MED12L: variants seen among roughly 807,000 people sequenced by gnomAD.
MED12L encodes the protein mediator complex subunit 12L, also known as mediator of RNA polymerase II transcription subunit 12-like protein.
Under a neutral mutation model 281.3 loss-of-function variants are expected in MED12L, and 60 were observed. The observed-to-expected ratio is 0.21, with a 90% CI of 0.17 to 0.26. The LOEUF (loss-of-function observed/expected upper bound fraction) is 0.26. MED12L is among the 10% of genes least tolerant of loss of function. MED12L has a pLI of 1.00. For missense variants in MED12L, 2,146 were observed against 2,680.9 expected (o/e 0.80, Z 4.41); for synonymous variants, 974 against 987.2 (o/e 0.99, Z 0.25).
At chr3:151,156,576 C>T (rs765538246) in intron 6 of MED12L, among the ~76,000 whole-genome samples, 39 of 152,256 alleles carry the variant, frequency 2.6e-4, no homozygotes, top group South Asian at 8.3e-4. Context: ...TTAATTAGTT[C>T]GTAATTGCAC....
At chr3:151,316,518 A>G (rs967099975) in intron 16 of MED12L, 2 of 152,348 alleles carry the variant, frequency 1.3e-5, no homozygotes, top group Admixed American at 6.5e-5. Flanking sequence ...AAGTATAATT[A>G]CAGTTTTTAA....
chr3:151,357,201 C>G lies in MED12L; in HGVS notation c.2662-12C>G. ...CACCTACATGTTTATTCAGTCTTTT[C>G]TCCTGTTACAGTTACTAAATGAACT... On this transcript the variant is annotated splice_polypyrimidine_tract_variant and intron_variant, in intron 19 of 44. Coordinates refer to ENST00000687756, the MANE Select transcript of MED12L (RefSeq NM_001393769.1). 1 of 1,576,708 alleles carries G rather than the reference C, an allele frequency of 6.3e-7. No individual in the cohort carries two copies. Among genetic ancestry groups the G allele is most frequent in the Non-Finnish European group, 8.6e-7 (1 of 1,162,224 alleles).
At chr3:151,285,494 A>G (rs1005406517) in intron 16 of MED12L, among the ~76,000 whole-genome samples, 1 of 151,850 alleles carries the variant, frequency 6.6e-6, no homozygotes, top group African/African-American at 2.4e-5. Context: ...TCTCAAAGAA[A>G]AAAAAAAAGA....
chr3:151,277,206 CTTG>C lies in MED12L; in HGVS notation c.2251-72850_2251-72848del, dbSNP rs143197072. ...GGTGTGAGCCACCATGCCTGGCCTC[CTTG>C]TTTTTTTTTTTTCCAGACATGACAA... On this transcript the variant is annotated intron_variant, in intron 16 of 44. Coordinates refer to ENST00000687756, the MANE Select transcript of MED12L (RefSeq NM_001393769.1). 1.1e-4 allele frequency among the ~76,000 whole-genome samples: 16 copies of C among 151,018 alleles called. No individual in the cohort carries two copies. The South Asian group carries it at 1.5e-3, about 14-fold the overall frequency.
intron 38 of MED12L, among the ~76,000 whole-genome samples, chr3:151,391,437 C>T (rs1347413140): frequency 6.6e-6 from 1 of 152,140 alleles, no homozygotes; most frequent in Non-Finnish European, 1.5e-5. Context: ...ATTGTAGACC[C>T]ATACCCCTTC....
chr3:151,275,288 C>T (rs1741658439), intron 16 of MED12L, among the ~76,000 whole-genome samples: 1 of 152,060 alleles, frequency 6.6e-6, no homozygotes, highest in East Asian at 1.9e-4. Flanking sequence ...TGATCTTTTC[C>T]TCTTTTCTTT....
At chr3:151,361,226 T>G (rs191156756) in intron 21 of MED12L, among the ~76,000 whole-genome samples, 55 of 152,268 alleles carry the variant, frequency 3.6e-4, no homozygotes, top group Non-Finnish European at 7.4e-5. Flanking sequence ...AGACTGTGTT[T>G]ACTTTTCCTC....
chr3:151,192,459 T>C, intron 14 of MED12L, 91 bp from the exon 15 acceptor site: 1 of 906,326 alleles, frequency 1.1e-6, no homozygotes, highest in Non-Finnish European at 1.7e-6. Context: ...AAGACAGAGA[T>C]GGTTAAAAAT....
chr3:151,338,913 T>G lies in MED12L; in HGVS notation c.2251-11146T>G, dbSNP rs138811723. 145 of 1,513,408 alleles carry G rather than the reference T, an allele frequency of 9.6e-5. No homozygotes were observed. The African/African-American group carries it at 1.8e-3, about 19-fold the overall frequency. 93.7% of individuals were successfully genotyped at this position (1,513,408 alleles called of 1,614,324 possible). Reference sequence around the variant, plus strand: ...TTCAGCCTAAGGTAGTTATTATTGCTGTTATCTCTGTGTGTAACTTTTTTG... The same window carrying G: ...TTCAGCCTAAGGTAGTTATTATTGCGGTTATCTCTGTGTGTAACTTTTTTG... On this transcript the variant is annotated intron_variant, in intron 16 of 44. Coordinates refer to ENST00000687756, the MANE Select transcript of MED12L (RefSeq NM_001393769.1).
chr3:151,376,923 A>G, intron 29 of MED12L, 49 bp downstream of exon 29: 1 of 1,610,550 alleles, frequency 6.2e-7, no homozygotes, highest in Non-Finnish European at 8.5e-7. Context: ...TATAAAAAGC[A>G]AAAACACGTT....
intron 5 of MED12L, among the ~76,000 whole-genome samples, chr3:151,152,321 C>T (rs1343212526): frequency 1.3e-5 from 2 of 151,944 alleles, no homozygotes; most frequent in Non-Finnish European, 2.9e-5. Flanking sequence ...AGGCTGGCCT[C>T]AAACTCCTAG....
chr3:151,276,371 A>G (rs1324003793), intron 16 of MED12L, among the ~76,000 whole-genome samples: 1 of 152,224 alleles, frequency 6.6e-6, no homozygotes, highest in South Asian at 2.1e-4. Flanking sequence ...ATAATTTTCA[A>G]TTAAAGGAAA....
intron 16 of MED12L, among the ~76,000 whole-genome samples, chr3:151,314,686 A>G (rs2149793515): frequency 6.6e-6 from 1 of 152,166 alleles, no homozygotes; most frequent in South Asian, 2.1e-4. Context: ...TTGTGGCTCT[A>G]CCCCATTTCC....
At chr3:151,242,373 T>C (rs1453229901) in intron 16 of MED12L, among the ~76,000 whole-genome samples, 1 of 152,252 alleles carries the variant, frequency 6.6e-6, no homozygotes, top group African/African-American at 2.4e-5. Flanking sequence ...TAAATGTCCC[T>C]GTCTGACAGC....
chr3:151,397,460 C>T (rs1195353666), intron 39 of MED12L, among the ~76,000 whole-genome samples: 1 of 152,152 alleles, frequency 6.6e-6, no homozygotes, highest in East Asian at 1.9e-4. Flanking sequence ...GGTACCTGTA[C>T]TTAGGAGGTT....
chr3:151,411,478 G>C lies in MED12L; in HGVS notation c.6111G>C (p.Pro2037=). ...GCTATGTTCAGCAGCAGGCCTCGCCGTACCTGCAGCCCCTGACTGGCTCTC... is the reference window on the plus strand; with the variant it reads ...GCTATGTTCAGCAGCAGGCCTCGCCCTACCTGCAGCCCCTGACTGGCTCTC... ...PSGYVQQQAS[P]YLQPLTGSQR... is the part of the protein sequence containing the mutation. The change falls in exon 41 of 45, where the codon CCG becomes CCC. Residue 2037 remains proline, a synonymous_variant. Transcript: ENST00000687756. 1 of 1,614,194 alleles carries C rather than the reference G, an allele frequency of 6.2e-7. No individual in the cohort carries two copies. The highest frequency in any genetic ancestry group is 8.5e-7 in the Non-Finnish European group (1 of 1,180,024).
chr3:151,222,968 A>G (rs1336636470), intron 16 of MED12L, among the ~76,000 whole-genome samples: 1 of 152,128 alleles, frequency 6.6e-6, no homozygotes, highest in African/African-American at 2.4e-5. Flanking sequence ...GTAAATTGGT[A>G]TTTTATACCT....
intron 33 of MED12L, among the ~76,000 whole-genome samples, chr3:151,383,124 A>G (rs1577515743): frequency 6.6e-6 from 1 of 152,250 alleles, no homozygotes; most frequent in African/African-American, 2.4e-5. Context: ...CCAACTTTCC[A>G]TCAAATTGAT....
chr3:151,184,367 A>G (rs1333442243), intron 11 of MED12L, among the ~76,000 whole-genome samples: 2 of 152,190 alleles, frequency 1.3e-5, no homozygotes, highest in East Asian at 3.8e-4. Flanking sequence ...GCTCATAGCC[A>G]TATCGTAATC....
Sources: allele counts gnomAD v4.1 joint callset (sites outside exome capture counted in the v4.1 genomes callset), GRCh38; gene constraint gnomAD v4.1.1; transcripts MANE v1.5; gene names NCBI Gene and HGNC (gene_info 2026-07-23, HGNC 2026-07-21).